Variants in UST observed in about 807,000 individuals in gnomAD.
UST encodes chondroitin sulfate 2-O-sulfotransferase.
Under a neutral mutation model 45.6 loss-of-function variants are expected in UST, and 21 were observed. That is an observed-to-expected ratio of 0.46 (90% CI 0.33 to 0.66). The LOEUF (loss-of-function observed/expected upper bound fraction) is 0.66. UST is among the 30% of genes least tolerant of loss of function. The pLI is 0.02. For synonymous variants in UST, 215 were observed against 200.6 expected, an observed-to-expected ratio of 1.07 and a Z score of -0.61; for missense variants, 463 against 512.4, an observed-to-expected ratio of 0.90 and a Z score of 0.93.
At chr6:148,834,636 G>A (rs1418930481) in intron 1 of UST, among the ~76,000 whole-genome samples, 3 of 152,186 alleles carry the variant, frequency 2.0e-5, no homozygotes, top group Non-Finnish European at 2.9e-5. Flanking sequence ...TCAGGAGGCC[G>A]AGGTGGGAGG....
At chr6:148,920,116 G>A (rs1327153889) in intron 2 of UST, among the ~76,000 whole-genome samples, 2 of 150,574 alleles carry the variant, frequency 1.3e-5, no homozygotes, top group African/African-American at 2.5e-5. Flanking sequence ...TTCACTGGAT[G>A]TGGTCTGATC....
chr6:149,073,730 C>T lies in UST; in HGVS notation c.938-103C>T, dbSNP rs943451433. The T allele has an allele frequency of 1.2e-5, 17 of 1,384,106 alleles. No homozygotes were observed. The African/African-American group carries it at 2.3e-4, about 19-fold the overall frequency. The allele number at this position is 1,384,106 out of a possible 1,614,324, so 85.7% of individuals were successfully genotyped here. A position where few individuals can be genotyped will look rare whatever the true frequency, so the allele number is the denominator to read the frequency against. On this transcript the variant is annotated intron_variant, in intron 7 of 7. Transcript: ENST00000367463. ...CTAATACTTGGATATGCAGTTGCTT[C>T]CTTAGGTGCTACCAGAGTTGTACAG...
intron 5 of UST, among the ~76,000 whole-genome samples, chr6:149,000,077 A>G (rs892364838): frequency 1.3e-5 from 2 of 152,212 alleles, no homozygotes; most frequent in Admixed American, 1.3e-4. Flanking sequence ...GACAAGGTCA[A>G]GGAGACTAGA....
chr6:148,790,594 G>A lies in UST; in HGVS notation c.247+42917G>A, dbSNP rs1462218398. Among the ~76,000 whole-genome samples the A allele has an allele frequency of 1.3e-5, 2 of 152,180 alleles. No homozygotes were observed. The highest frequency in any genetic ancestry group is 4.8e-5 in the African/African-American group (2 of 41,444). On this transcript the variant is annotated intron_variant, in intron 1 of 7. Coordinates refer to ENST00000367463, the MANE Select transcript of UST (RefSeq NM_005715.3). This position sits in a 1 kb window ranked among gnomAD's most constrained non-coding sequence, Gnocchi z 4.2. ...CTGTGATGTGCCACCGTTCAGAGAG[G>A]CACTCAGGCTGCCAGCTTCTGAGCA...
chr6:148,944,426 A>G (rs1329700434), intron 3 of UST, among the ~76,000 whole-genome samples: 1 of 151,696 alleles, frequency 6.6e-6, no homozygotes, highest in Non-Finnish European at 1.5e-5. Context: ...TATCTATTCC[A>G]TTTCATTCAT....
chr6:149,057,503 A>C (rs1443070639), intron 7 of UST, among the ~76,000 whole-genome samples: 1 of 152,256 alleles, frequency 6.6e-6, no homozygotes, highest in Non-Finnish European at 1.5e-5. Flanking sequence ...CTATAAGAAG[A>C]AAAGTTACTG....
chr6:149,049,437 G>C (rs1480646119), intron 7 of UST, among the ~76,000 whole-genome samples: 2 of 152,194 alleles, frequency 1.3e-5, no homozygotes, highest in African/African-American at 2.4e-5. Flanking sequence ...TGATTAAATT[G>C]AAATGCTCAG....
chr6:148,821,575 A>G (rs937306495), intron 1 of UST, among the ~76,000 whole-genome samples: 3 of 152,224 alleles, frequency 2.0e-5, no homozygotes, highest in African/African-American at 7.2e-5. Flanking sequence ...GTTAATAAAT[A>G]TTTTATAAGG....
chr6:148,766,993 T>A (rs1776337144), intron 1 of UST, among the ~76,000 whole-genome samples: 1 of 152,262 alleles, frequency 6.6e-6, no homozygotes, highest in Non-Finnish European at 1.5e-5. Context: ...TTAATGTGCA[T>A]GCAAATCACT....
chr6:148,925,151 T>C (rs888869886), intron 2 of UST, among the ~76,000 whole-genome samples: 1 of 152,148 alleles, frequency 6.6e-6, no homozygotes, highest in African/African-American at 2.4e-5. Flanking sequence ...GAACTTGAGC[T>C]CTGTGTATGA....
chr6:149,035,116 C>T (rs111381129), intron 7 of UST, among the ~76,000 whole-genome samples: 29 of 152,202 alleles, frequency 1.9e-4, no homozygotes, highest in African/African-American at 5.5e-4. Context: ...CCTTTCTATG[C>T]GCTTCGCTGT....
chr6:148,787,270 A>G (rs892651932), intron 1 of UST, among the ~76,000 whole-genome samples: 9 of 152,212 alleles, frequency 5.9e-5, no homozygotes, highest in Admixed American at 5.9e-4. Context: ...GCCCATGCAT[A>G]TGTCCTGAAT....
intron 2 of UST, among the ~76,000 whole-genome samples, chr6:148,925,936 C>T (rs74342280): frequency 0.014 from 2,112 of 152,298 alleles, 36 homozygotes; most frequent in Admixed American, 0.043. Context: ...GGAACTTTAC[C>T]GTGACCTAGC....
intron 3 of UST, among the ~76,000 whole-genome samples, chr6:148,946,640 T>C (rs1393771875): frequency 6.7e-6 from 1 of 149,972 alleles, no homozygotes; most frequent in East Asian, 2.0e-4. Context: ...TGAAACCCTG[T>C]CTCTACTAAA....
At chr6:148,977,550 G>A (rs1344436490) in intron 5 of UST, among the ~76,000 whole-genome samples, 4 of 151,952 alleles carry the variant, frequency 2.6e-5, no homozygotes, top group Non-Finnish European at 5.9e-5. Context: ...AGGAGATCGA[G>A]CCCATCCTGG....
intron 1 of UST, among the ~76,000 whole-genome samples, chr6:148,840,762 G>T (rs1777873333): frequency 6.6e-6 from 1 of 152,232 alleles, no homozygotes; most frequent in Admixed American, 6.5e-5. Context: ...TTGAACCTGT[G>T]TTGCTTAAGG....
intron 3 of UST, among the ~76,000 whole-genome samples, chr6:148,942,187 C>T (rs1159642504): frequency 6.6e-6 from 1 of 152,006 alleles, no homozygotes; most frequent in East Asian, 1.9e-4. Flanking sequence ...GGCTTCTGTC[C>T]CCTTACATAC....
intron 1 of UST, among the ~76,000 whole-genome samples, chr6:148,749,546 C>T (rs766206260): frequency 6.6e-6 from 1 of 151,968 alleles, no homozygotes; most frequent in Non-Finnish European, 1.5e-5. Context: ...AATTAGAAGC[C>T]ACACCTGACT....
chr6:148,754,259 G>A (rs369252171), intron 1 of UST, among the ~76,000 whole-genome samples: 3 of 152,238 alleles, frequency 2.0e-5, no homozygotes, highest in East Asian at 3.9e-4. Flanking sequence ...GCCTCCCAAA[G>A]TGCTGGGATT....
Sources: allele counts gnomAD v4.1 joint callset (sites outside exome capture counted in the v4.1 genomes callset), GRCh38; gene constraint gnomAD v4.1.1; non-coding constraint Gnocchi (gnomAD v3.1); transcripts MANE v1.5; gene names NCBI Gene and HGNC (gene_info 2026-07-23, HGNC 2026-07-21).